IGDCC3: variants seen among roughly 807,000 people sequenced by gnomAD.
IGDCC3 encodes the protein immunoglobulin superfamily DCC subclass member 3, also known as putative neuronal cell adhesion molecule.
In IGDCC3, 47 loss-of-function variants were observed where a neutral mutation model predicts 72.0. The observed-to-expected ratio is 0.65, with a 90% CI of 0.52 to 0.83. The LOEUF is 0.83. Ranked by LOEUF, IGDCC3 falls within the 40% of genes least tolerant of loss-of-function variation. IGDCC3 has a pLI of 0.00. For synonymous variants in IGDCC3, 477 were observed against 472.8 expected, an observed-to-expected ratio of 1.01 and a Z score of -0.11; for missense variants, 1,038 against 1,091.3, an observed-to-expected ratio of 0.95 and a Z score of 0.69.
intron 6 of IGDCC3, among the ~76,000 whole-genome samples, 191 bp downstream of exon 6, chr15:65,333,066 C>A (rs1034325170): frequency 6.6e-6 from 1 of 152,254 alleles, no homozygotes; most frequent in Non-Finnish European, 1.5e-5. Flanking sequence ...GACCATCCAC[C>A]CATTCCCAAC....
chr15:65,374,916 C>A (rs545341550), intron 2 of IGDCC3, among the ~76,000 whole-genome samples, 181 bp downstream of exon 2: 1 of 152,200 alleles, frequency 6.6e-6, no homozygotes, highest in Non-Finnish European at 1.5e-5. Flanking sequence ...GTTAAACAAG[C>A]ATCTGATATA....
intron 2 of IGDCC3, among the ~76,000 whole-genome samples, chr15:65,374,655 T>G (rs2091346962): frequency 6.6e-6 from 1 of 152,224 alleles, no homozygotes; most frequent in South Asian, 2.1e-4. Context: ...CCCAAAGGTT[T>G]ACATTAGTTT....
rs199840510 is a variant in IGDCC3 at position 65,330,525 on chromosome 15, A to T, written c.1753+25T>A. On this transcript the variant is annotated intron_variant, in intron 10 of 13. Coordinates refer to ENST00000327987, the MANE Select transcript of IGDCC3 (RefSeq NM_004884.4). The stretch of plus-strand genomic sequence containing the variant: ...AGCGCCGCACTCTGCCAAGCCCCCT[A>T]GGCTCTGGGCTGTGTCTGCCTCACC... 2.7e-4 allele frequency: 442 copies of T among 1,607,600 alleles called. 5 individuals carry two copies. The Admixed American group carries it at 7.3e-3, about 27-fold the overall frequency.
intron 11 of IGDCC3, 55 bp downstream of exon 11, chr15:65,330,238 A>C (rs2090963857): frequency 7.7e-7 from 1 of 1,303,452 alleles, no homozygotes; most frequent in African/African-American, 1.5e-5. Flanking sequence ...ATCTCACCCC[A>C]TTACTTTCCC....
intron 2 of IGDCC3, among the ~76,000 whole-genome samples, chr15:65,349,115 C>T (rs2091151354): frequency 1.3e-5 from 2 of 152,144 alleles, no homozygotes; most frequent in South Asian, 4.1e-4. Flanking sequence ...GCTGAAACTC[C>T]TAGTTAGAGG....
intron 4 of IGDCC3, 43 bp downstream of exon 4, chr15:65,335,248 G>A (rs1567061963): frequency 2.5e-6 from 4 of 1,573,962 alleles, no homozygotes; most frequent in Non-Finnish European, 1.7e-6. Context: ...AGGAGGAGGA[G>A]GCCAGGTGGG....
chr15:65,347,218 A>T (rs762188346), intron 2 of IGDCC3, among the ~76,000 whole-genome samples: 7 of 152,228 alleles, frequency 4.6e-5, no homozygotes, highest in Non-Finnish European at 8.8e-5. Context: ...CAACTCAACA[A>T]AAACAGATAC....
rs959920211 is a variant in IGDCC3, at chr15:65,339,424, G to A, written c.410-3468C>T. ...GAGACAGGGTCTCCCTACGTTGCCC[G>A]GACTGGCACAGCATTTTTTTCTTTA... On this transcript the variant is annotated intron_variant, in intron 2 of 13. Coordinates refer to ENST00000327987, the MANE Select transcript of IGDCC3 (RefSeq NM_004884.4). This position sits in a 1 kb window ranked among gnomAD's most constrained non-coding sequence, Gnocchi z 4.1. Among the ~76,000 whole-genome samples, 3 of 152,180 alleles carry A rather than the reference G, an allele frequency of 2.0e-5. No homozygotes were observed. The highest frequency in any genetic ancestry group is 2.1e-4 in the South Asian group (1 of 4,832).
chr15:65,345,070 T>G (rs1440102907), intron 2 of IGDCC3, among the ~76,000 whole-genome samples: 1 of 152,162 alleles, frequency 6.6e-6, no homozygotes, highest in Admixed American at 6.5e-5. Context: ...ATGTCCTGGT[T>G]TTTGGTTTGG....
At chr15:65,357,102 T>C (rs1031234439) in intron 2 of IGDCC3, among the ~76,000 whole-genome samples, 1 of 151,920 alleles carries the variant, frequency 6.6e-6, no homozygotes, top group Non-Finnish European at 1.5e-5. Context: ...TCCGCCCACC[T>C]CAGCCTCCCA....
intron 1 of IGDCC3, 148 bp from the exon 2 acceptor site, chr15:65,375,550 T>G: frequency 3.1e-6 from 2 of 641,540 alleles, no homozygotes; most frequent in Non-Finnish European, 5.3e-6. Context: ...ATTCCTATTA[T>G]ATATAGAACT....
In IGDCC3 at chr15:65,343,403, TGGGGGGAGGACATGTGTTGC is replaced by T. The variant is rs374490548; in HGVS notation, c.410-7467_410-7448del. Among the ~76,000 whole-genome samples the T allele has an allele frequency of 5.1e-5, 7 of 136,550 alleles. 1 individual carries two copies. The highest frequency in any genetic ancestry group is 1.9e-4 in the African/African-American group (7 of 36,088). The allele number at this position is 136,550 out of a possible 152,430, so 89.6% of individuals were successfully genotyped here. On this transcript the variant is annotated intron_variant, in intron 2 of 13. Transcript: ENST00000327987. ...CTGAATTTGCAAGGCCTGAATGGTG[TGGGGGGAGGACATGTGTTGC>T]GGGGGCGAGCAGCAGGGTATAAACC...
At position 65,375,110 on chromosome 15, in the gene IGDCC3, G is replaced by A. The variant is rs758348784; in HGVS notation, c.396C>T (p.Arg132=). ...ATATCCACTTACTTGCAGCTTGGATGCGAGCCTTCCGGCTGACCACCAGCC... is the reference window on the plus strand; with the variant it reads ...ATATCCACTTACTTGCAGCTTGGATACGAGCCTTCCGGCTGACCACCAGCC... ...RFGLVVSRKA[R]IQAATMSDFH... is the part of the protein sequence containing the mutation. Residue 132 remains arginine (R), a synonymous_variant, in exon 2 of 14, where the codon CGC becomes CGT. Transcript: ENST00000327987. The A allele has an allele frequency of 6.2e-7, 1 of 1,612,532 alleles. No homozygotes were observed. The highest frequency in any genetic ancestry group is 2.2e-5 in the East Asian group (1 of 44,838).
chr15:65,363,145 C>T (rs1595763531), intron 2 of IGDCC3, among the ~76,000 whole-genome samples: 1 of 152,122 alleles, frequency 6.6e-6, no homozygotes, highest in Non-Finnish European at 1.5e-5. Flanking sequence ...CAGGCGTGAG[C>T]CACCACCCCC....
At chr15:65,361,857 G>C (rs1031707203) in intron 2 of IGDCC3, among the ~76,000 whole-genome samples, 19 of 152,296 alleles carry the variant, frequency 1.2e-4, no homozygotes, top group African/African-American at 4.3e-4. Flanking sequence ...CATTTTCGGA[G>C]CCTGCTGCAG....
Position 65,329,929 on chromosome 15 carries a change from C to A in IGDCC3, c.1859-65G>T. 1 of 1,561,990 alleles carries A rather than the reference C, an allele frequency of 6.4e-7. No homozygotes were observed. ...TCTGAAGCACTCCCAAACACCCAGC[C>A]TCTGGGGACTCCTCTTCCTTCAGCT... On this transcript the variant is annotated intron_variant, in intron 11 of 13. Transcript: ENST00000327987. The surrounding 1 kb of genome is among the most constrained non-coding windows in gnomAD (Gnocchi z 4.1).
At chr15:65,352,025 C>T (rs2091177765) in intron 2 of IGDCC3, among the ~76,000 whole-genome samples, 1 of 152,140 alleles carries the variant, frequency 6.6e-6, no homozygotes, top group Non-Finnish European at 1.5e-5. Context: ...GAAATTGTAA[C>T]ATTAGAATAG....
At position 65,329,606 on chromosome 15, in the gene IGDCC3, T is replaced by C; in HGVS notation, c.1998-9A>G. 1 of 1,613,394 alleles carries C rather than the reference T, an allele frequency of 6.2e-7. No individual in the cohort carries two copies. Among genetic ancestry groups the C allele is most frequent in the Non-Finnish European group, 8.5e-7 (1 of 1,179,770 alleles). On this transcript the variant is annotated splice_polypyrimidine_tract_variant and intron_variant, in intron 12 of 13. Transcript: ENST00000327987. This position sits in a 1 kb window ranked among gnomAD's most constrained non-coding sequence, Gnocchi z 4.1. ...CTTTACACAGGAGGACCCTAAGGGTTAGCCAAGAGTTGGGGGGAGGGAGAG... is the reference window on the plus strand; with the variant it reads ...CTTTACACAGGAGGACCCTAAGGGTCAGCCAAGAGTTGGGGGGAGGGAGAG...
chr15:65,330,360 G>A lies in IGDCC3; in HGVS notation c.1791C>T (p.Tyr597=), dbSNP rs371787707. The change falls in exon 11 of 14, where the codon TAC becomes TAT. Residue 597 remains tyrosine, a synonymous_variant. Transcript: ENST00000327987. ...TGGCATTGCCATCTCCATGCTGGTT[G>A]TAGGCGAGCAGCTTCACCTCATACA... The part of the protein sequence containing the change: ...TAVYEVKLLA[Y]NQHGDGNATV... 5.0e-6 allele frequency: 8 copies of A among 1,613,978 alleles called. No individual in the cohort carries two copies. Among genetic ancestry groups the A allele is most frequent in the African/African-American group, 2.7e-5 (2 of 74,948 alleles).
Sources: allele counts gnomAD v4.1 joint callset (sites outside exome capture counted in the v4.1 genomes callset), GRCh38; gene constraint gnomAD v4.1.1; non-coding constraint Gnocchi (gnomAD v3.1); transcripts MANE v1.5; gene names NCBI Gene and HGNC (gene_info 2026-07-23, HGNC 2026-07-21).